Variants in FAM135B observed in about 807,000 individuals in gnomAD.
The protein encoded by FAM135B is protein FAM135B.
A neutral mutation model predicts 127.7 loss-of-function variants in FAM135B; 43 were observed. That is an observed-to-expected ratio of 0.34 (90% CI 0.26 to 0.43). The LOEUF is 0.43. Ranked by LOEUF, FAM135B falls within the 20% of genes least tolerant of loss-of-function variation. FAM135B has a pLI of 1.00. For missense variants in FAM135B, 1,558 were observed against 1,725.6 expected (o/e 0.90, Z 1.72); for synonymous variants, 670 against 665.1 (o/e 1.01, Z -0.11).
intron 2 of FAM135B, among the ~76,000 whole-genome samples, chr8:138,348,127 C>CTTT (rs58289442): frequency 0.058 from 3,044 of 52,588 alleles, 274 homozygotes; most frequent in Non-Finnish European, 0.062. Context: ...TTTTCCTCCT[C>CTTT]TTTTTTTTTT....
intron 3 of FAM135B, among the ~76,000 whole-genome samples, chr8:138,305,117 G>T (rs1826145170): frequency 6.6e-6 from 1 of 152,296 alleles, no homozygotes; most frequent in South Asian, 2.1e-4. Context: ...TGATTCATTT[G>T]AAGAATAAAT....
At chr8:138,188,925 G>A (rs924268435) in intron 9 of FAM135B, among the ~76,000 whole-genome samples, 7 of 152,216 alleles carry the variant, frequency 4.6e-5, no homozygotes, top group Admixed American at 3.3e-4. Flanking sequence ...CAGGAGACAG[G>A]AAAATTCTGG....
chr8:138,229,863 A>AGCAC (rs1819779850), intron 7 of FAM135B, among the ~76,000 whole-genome samples: 1 of 151,766 alleles, frequency 6.6e-6, no homozygotes, highest in Non-Finnish European at 1.5e-5. Flanking sequence ...AGCTCTCGTG[A>AGCAC]GCACTCACTC....
chr8:138,310,815 T>C (rs1042723364), intron 3 of FAM135B, 26 bp downstream of exon 3: 2 of 1,607,296 alleles, frequency 1.2e-6, no homozygotes, highest in South Asian at 1.1e-5. Context: ...TGGGGGCAAG[T>C]GCCCCATTGC....
At chr8:138,201,826 A>G (rs1817142626) in intron 7 of FAM135B, among the ~76,000 whole-genome samples, 1 of 152,192 alleles carries the variant, frequency 6.6e-6, no homozygotes, top group Non-Finnish European at 1.5e-5. Context: ...GAAGCAGGAC[A>G]AAAAATAGGC....
At chr8:138,403,995 A>G (rs1216429433) in intron 1 of FAM135B, among the ~76,000 whole-genome samples, 1 of 152,202 alleles carries the variant, frequency 6.6e-6, no homozygotes, top group Non-Finnish European at 1.5e-5. Context: ...ATTAAGGTTG[A>G]GAAATCCTAG....
In FAM135B at chr8:138,241,049, C is replaced by T. The variant is rs1035415255; in HGVS notation, c.669+1893G>A. The stretch of plus-strand genomic sequence containing the variant: ...TGGGGTCTACTGAAACTCTGGGTGC[C>T]AGCCCACGTGGGGGCTGAAGGAAGG... On this transcript the variant is annotated intron_variant, in intron 7 of 19. Transcript: ENST00000395297. This position sits in a 1 kb window ranked among gnomAD's most constrained non-coding sequence, Gnocchi z 4.8. Among the ~76,000 whole-genome samples the T allele has an allele frequency of 2.0e-5, 3 of 152,106 alleles. No homozygotes were observed. Among genetic ancestry groups the T allele is most frequent in the Non-Finnish European group, 4.4e-5 (3 of 68,038 alleles).
intron 2 of FAM135B, among the ~76,000 whole-genome samples, chr8:138,331,353 C>A (rs752738381): frequency 5.3e-5 from 8 of 152,268 alleles, no homozygotes; most frequent in African/African-American, 1.9e-4. Context: ...CAAATAGTTT[C>A]TTTTATGATA....
chr8:138,240,957 T>C (rs1312866265), intron 7 of FAM135B, among the ~76,000 whole-genome samples: 1 of 152,140 alleles, frequency 6.6e-6, no homozygotes, highest in Non-Finnish European at 1.5e-5. Flanking sequence ...GAGTGGAAGA[T>C]TTTCAGGCAG....
chr8:138,433,290 G>T (rs1449862095), intron 1 of FAM135B, among the ~76,000 whole-genome samples: 1 of 152,068 alleles, frequency 6.6e-6, no homozygotes, highest in African/African-American at 2.4e-5. Context: ...GGGAGGCCGA[G>T]AAGGGCAGAT....
chr8:138,411,467 CCTTAT>C (rs1200188715), intron 1 of FAM135B, among the ~76,000 whole-genome samples: 1 of 152,030 alleles, frequency 6.6e-6, no homozygotes, highest in Non-Finnish European at 1.5e-5. Flanking sequence ...CTTCCTTACA[CCTTAT>C]ACGAAAATCA....
At chr8:138,364,527 A>C (rs1830622903) in intron 2 of FAM135B, among the ~76,000 whole-genome samples, 1 of 152,174 alleles carries the variant, frequency 6.6e-6, no homozygotes, top group Non-Finnish European at 1.5e-5. Context: ...GCCCTCATCC[A>C]CATCTGAAGT....
At chr8:138,381,704 C>T (rs375581700) in intron 1 of FAM135B, among the ~76,000 whole-genome samples, 9 of 152,310 alleles carry the variant, frequency 5.9e-5, no homozygotes, top group Admixed American at 6.5e-5. Flanking sequence ...TTCTGGGGCA[C>T]TTGGAATCAG....
At chr8:138,367,044 C>T (rs1830784641) in intron 2 of FAM135B, among the ~76,000 whole-genome samples, 1 of 152,120 alleles carries the variant, frequency 6.6e-6, no homozygotes, top group African/African-American at 2.4e-5. Context: ...CTCAGTAGAA[C>T]CGCCCAGCTG....
chr8:138,280,554 T>C (rs1026216526), intron 3 of FAM135B, among the ~76,000 whole-genome samples: 3 of 152,200 alleles, frequency 2.0e-5, no homozygotes, highest in Non-Finnish European at 4.4e-5. Flanking sequence ...CTTGCTATTA[T>C]GCGGCTGTTT....
chr8:138,181,504 C>T (rs1256420499), intron 9 of FAM135B, among the ~76,000 whole-genome samples: 3 of 152,132 alleles, frequency 2.0e-5, no homozygotes, highest in African/African-American at 7.2e-5. Context: ...CCCAGCCATA[C>T]CAACCTGCTG....
Position 138,367,513 on chromosome 8 carries a change from T to A in FAM135B, c.77+394A>T, listed in dbSNP as rs1469128805. On this transcript the variant is annotated intron_variant, in intron 2 of 19. Transcript: ENST00000395297. ...ATCTAGGCACAAGTGTTACAATACG[T>A]GGTTTTGAAGTAATGGCCTGCATCA... 8.8e-6 allele frequency: 4 copies of A among 452,728 alleles called. No homozygotes were observed. The Admixed American group carries it at 9.7e-5, about 11-fold the overall frequency. 28.0% of individuals were successfully genotyped at this position (452,728 alleles called of 1,614,324 possible). A position where few individuals can be genotyped will look rare whatever the true frequency, so the allele number is the denominator to read the frequency against.
rs1256056358 is a variant in FAM135B at position 138,348,370 on chromosome 8, G to C, written c.77+19537C>G. ...GGCTGGTCTCGAACTCCTGACCTCAGGTGATCCGCCCACCTCGGCCTCCCA... is the reference window on the plus strand; with the variant it reads ...GGCTGGTCTCGAACTCCTGACCTCACGTGATCCGCCCACCTCGGCCTCCCA... On this transcript the variant is annotated intron_variant, in intron 2 of 19. Transcript: ENST00000395297. 1.2e-4 allele frequency among the ~76,000 whole-genome samples: 19 copies of C among 152,026 alleles called. No individual in the cohort carries two copies. In the Middle Eastern group the frequency reaches 0.014, roughly 109 times the overall value.
chr8:138,484,818 C>A (rs1207609534), intron 1 of FAM135B, among the ~76,000 whole-genome samples: 2 of 151,998 alleles, frequency 1.3e-5, no homozygotes, highest in Non-Finnish European at 2.9e-5. Context: ...TTTATTCTCC[C>A]AAAAGGCCAA....
Sources: allele counts gnomAD v4.1 joint callset (sites outside exome capture counted in the v4.1 genomes callset), GRCh38; gene constraint gnomAD v4.1.1; non-coding constraint Gnocchi (gnomAD v3.1); transcripts MANE v1.5; gene names NCBI Gene and HGNC (gene_info 2026-07-23, HGNC 2026-07-21).